Variants in SMAD6 observed in about 807,000 individuals in gnomAD.
SMAD6 encodes SMAD family member 6.
In SMAD6, 103 loss-of-function variants were observed where a neutral mutation model predicts 39.4. The ratio of observed to expected loss-of-function variants is 2.62; its 90% CI spans 2.23 to 3.08. The LOEUF is 3.08. Ranked by LOEUF, SMAD6 falls within the 30% of genes most tolerant of loss-of-function variation. The pLI is 0.00. For synonymous variants in SMAD6, 445 were observed against 353.3 expected (o/e 1.26, Z -2.91); for missense variants, 1,104 against 742.9 (o/e 1.49, Z -5.65).
At position 66,781,128 on chromosome 15, in the gene SMAD6, C is replaced by CA. The variant is rs1476498135; in HGVS notation, c.1085dup (p.Ser364GlnfsTer201). ...CGTCAGCATCTTCTACGACCTACCT[C>CA]AGGGCAGCGGCTTCTGCCTGGGCCA... is the stretch of plus-strand genomic sequence containing the variant. On this transcript the variant is annotated frameshift_variant, in exon 4 of 4. Transcript: ENST00000288840. LOFTEE classifies it high-confidence loss of function. 6.2e-7 allele frequency: 1 copy of CA among 1,608,892 alleles called. No individual in the cohort carries two copies. The highest frequency in any genetic ancestry group is 1.7e-5 in the Admixed American group (1 of 60,000).
intron 3 of SMAD6, among the ~76,000 whole-genome samples, chr15:66,766,142 A>C (rs913938276): frequency 2.0e-5 from 3 of 152,128 alleles, no homozygotes; most frequent in Admixed American, 2.0e-4. Context: ...CATGTGCTCT[A>C]GGAATGCAGA....
In SMAD6 at chr15:66,703,759, G is replaced by C; in HGVS notation, c.501G>C (p.Leu167=). 1 of 1,409,584 alleles carries C rather than the reference G, an allele frequency of 7.1e-7. No individual in the cohort carries two copies. The highest frequency in any genetic ancestry group is 9.4e-7 in the Non-Finnish European group (1 of 1,069,474). The allele number at this position is 1,409,584 out of a possible 1,614,324, so 87.3% of individuals were successfully genotyped here. The change falls in exon 1 of 4, where the codon CTG becomes CTC. Residue 167 remains leucine (L), a synonymous_variant. Transcript: ENST00000288840. ...GCGAAGCGCGCTCGCGGCTGCTGCT[G>C]CTGGAGCAGGAACTCAAAACCGTCA... ...RSREARSRLL[L]LEQELKTVTY...
chr15:66,707,439 A>G (rs1417445205), intron 1 of SMAD6: 3 of 152,248 alleles, frequency 2.0e-5, no homozygotes, highest in Non-Finnish European at 4.4e-5. Context: ...AGAATGGGCT[A>G]GAAAGTTTTC....
chr15:66,720,137 T>C (rs1443190016), intron 3 of SMAD6, among the ~76,000 whole-genome samples: 1 of 152,142 alleles, frequency 6.6e-6, no homozygotes, highest in East Asian at 1.9e-4. Flanking sequence ...GTATTTCCTT[T>C]CCTCTTCCAT....
intron 3 of SMAD6, among the ~76,000 whole-genome samples, chr15:66,734,367 C>T (rs186684898): frequency 6.6e-6 from 1 of 152,174 alleles, no homozygotes; most frequent in African/African-American, 2.4e-5. Context: ...TTCGCCCTGC[C>T]TCTGGGAGAG....
chr15:66,725,212 G>A (rs977966229), intron 3 of SMAD6, among the ~76,000 whole-genome samples: 11 of 152,182 alleles, frequency 7.2e-5, no homozygotes, highest in Non-Finnish European at 1.3e-4. Flanking sequence ...GGCTGCCAAG[G>A]GAAGCAGAGA....
chr15:66,782,772 A>G lies in SMAD6; in HGVS notation c.*1237A>G, dbSNP rs1306750877. On this transcript the variant is annotated 3_prime_UTR_variant, in exon 4 of 4. Coordinates refer to ENST00000288840, the MANE Select transcript of SMAD6 (RefSeq NM_005585.5). ...TCATTGTATATCTTTTTTCTTGGAG[A>G]TTTATATTAACATATTAAGTGCTCT... 6.6e-6 allele frequency: 1 copy of G among 152,224 alleles called. No individual in the cohort carries two copies. Among genetic ancestry groups the G allele is most frequent in the East Asian group, 1.9e-4 (1 of 5,200 alleles). 9.4% of individuals were successfully genotyped at this position (152,224 alleles called of 1,614,324 possible). A position where few individuals can be genotyped will look rare whatever the true frequency, so the allele number is the denominator to read the frequency against.
intron 3 of SMAD6, among the ~76,000 whole-genome samples, chr15:66,731,882 A>C (rs1051711262): frequency 6.6e-6 from 1 of 151,434 alleles, no homozygotes; most frequent in African/African-American, 2.4e-5. Context: ...CCAGCACTTG[A>C]TATGATCAGT....
Position 66,776,063 on chromosome 15 carries a change from C to G in SMAD6, c.953-4934C>G, listed in dbSNP as rs1029853170. The stretch of plus-strand genomic sequence containing the variant: ...CACGTATGTGTGTGAGAGAATGGAG[C>G]TAAAGCAGGGCTCATTCTAGACATT... On this transcript the variant is annotated intron_variant, in intron 3 of 3. Transcript: ENST00000288840. 6.6e-5 allele frequency among the ~76,000 whole-genome samples: 10 copies of G among 152,366 alleles called. No homozygotes were observed. The East Asian group carries it at 1.3e-3, about 21-fold the overall frequency.
chr15:66,772,655 T>C (rs1315100404), intron 3 of SMAD6, among the ~76,000 whole-genome samples: 3 of 152,212 alleles, frequency 2.0e-5, no homozygotes. Flanking sequence ...TTGAAATTAA[T>C]CCCAGCACTC....
intron 3 of SMAD6, among the ~76,000 whole-genome samples, chr15:66,731,395 G>C (rs1037136855): frequency 1.4e-5 from 2 of 141,312 alleles, no homozygotes; most frequent in African/African-American, 5.4e-5. Flanking sequence ...CCGAGATCCC[G>C]CCACTGCACT....
In SMAD6 at chr15:66,704,008, C is replaced by G; in HGVS notation, c.750C>G (p.Phe250Leu). ...AGCCCCTGTGCGGCTGCCACAGCTT[C>G]GCCGCCGCCGCCGACGGCCCTACCG... is the stretch of plus-strand genomic sequence containing the variant. ...ELKPLCGCHSFAAAADGPTVC... is the reference protein window; with the variant it reads ...ELKPLCGCHSLAAAADGPTVC... The change falls in exon 1 of 4, where the codon TTC becomes TTG. Residue 250 changes from phenylalanine to leucine, a missense_variant. Coordinates refer to ENST00000288840, the MANE Select transcript of SMAD6 (RefSeq NM_005585.5). 2 of 1,491,904 alleles carry G rather than the reference C, an allele frequency of 1.3e-6. No individual in the cohort carries two copies. Among genetic ancestry groups the G allele is most frequent in the Non-Finnish European group, 1.8e-6 (2 of 1,128,770 alleles). 92.4% of individuals were successfully genotyped at this position (1,491,904 alleles called of 1,614,324 possible). A position where few individuals can be genotyped will look rare whatever the true frequency, so the allele number is the denominator to read the frequency against.
intron 3 of SMAD6, among the ~76,000 whole-genome samples, chr15:66,745,237 C>G (rs1322628594): frequency 6.6e-6 from 1 of 152,190 alleles, no homozygotes; most frequent in African/African-American, 2.4e-5. Context: ...GAGGCCCCAG[C>G]CACACATCCT....
Position 66,781,375 on chromosome 15 carries a change from C to G in SMAD6, c.1331C>G (p.Ser444Trp), listed in dbSNP as rs199885442. 1.2e-5 allele frequency: 19 copies of G among 1,600,578 alleles called. 1 individual carries two copies. In the African/African-American group the frequency reaches 2.1e-4, roughly 18 times the overall value. ...ATCAAGGTGTTCGACTTCGAGCGCT[C>G]GGGCCTGCAGCACGCGCCCGAGCCC... ...YSIKVFDFERSGLQHAPEPDA... is the reference protein window; with the variant it reads ...YSIKVFDFERWGLQHAPEPDA... The change falls in exon 4 of 4, where the codon TCG (serine) becomes TGG (tryptophan). Residue 444 changes from serine to tryptophan, a missense_variant. Coordinates refer to ENST00000288840, the MANE Select transcript of SMAD6 (RefSeq NM_005585.5).
At chr15:66,759,320 C>T (rs1035953362) in intron 3 of SMAD6, among the ~76,000 whole-genome samples, 2 of 145,574 alleles carry the variant, frequency 1.4e-5, no homozygotes, top group South Asian at 4.7e-4. Context: ...GTGCACAGAC[C>T]TACTGGACAG....
chr15:66,734,072 G>A (rs181418253), intron 3 of SMAD6, among the ~76,000 whole-genome samples: 223 of 152,358 alleles, frequency 1.5e-3, no homozygotes, highest in African/African-American at 5.0e-3. Context: ...GTGACTGGGA[G>A]GCGACTCCAC....
intron 3 of SMAD6, among the ~76,000 whole-genome samples, chr15:66,772,807 C>A (rs1205838120): frequency 1.3e-5 from 2 of 152,220 alleles, no homozygotes; most frequent in Non-Finnish European, 2.9e-5. Flanking sequence ...CTCCCTAGTC[C>A]ATTCTTTTAA....
intron 3 of SMAD6, among the ~76,000 whole-genome samples, chr15:66,774,595 G>T (rs1021746325): frequency 4.6e-5 from 7 of 152,116 alleles, no homozygotes; most frequent in Non-Finnish European, 1.0e-4. Context: ...GAGCCCTGCT[G>T]GGGCCGCTCT....
chr15:66,758,651 C>T (rs1894144706), intron 3 of SMAD6, among the ~76,000 whole-genome samples: 1 of 151,868 alleles, frequency 6.6e-6, no homozygotes, highest in African/African-American at 2.4e-5. Flanking sequence ...TCACTTGAAC[C>T]TGGGAGGCAG....
Sources: allele counts gnomAD v4.1 joint callset (sites outside exome capture counted in the v4.1 genomes callset), GRCh38; gene constraint gnomAD v4.1.1; transcripts MANE v1.5; gene names NCBI Gene and HGNC (gene_info 2026-07-23, HGNC 2026-07-21).